Variants in SLC44A5 observed in about 807,000 individuals in gnomAD.
SLC44A5 encodes the protein solute carrier family 44 member 5.
A neutral mutation model predicts 101.8 loss-of-function variants in SLC44A5; 57 were observed. That is an observed-to-expected ratio of 0.56 (90% CI 0.45 to 0.70). SLC44A5 has a LOEUF of 0.70. SLC44A5 is among the 30% of genes least tolerant of loss of function. The probability of loss-of-function intolerance (pLI) is 0.00; values close to 1 mark genes in which losing one functional copy is unlikely to be tolerated. For missense variants in SLC44A5, 737 were observed against 853.1 expected, an observed-to-expected ratio of 0.86 and a Z score of 1.70; for synonymous variants, 281 against 290.9, an observed-to-expected ratio of 0.97 and a Z score of 0.35.
intron 2 of SLC44A5, among the ~76,000 whole-genome samples, chr1:75,524,646 G>C (rs1670319283): frequency 6.6e-6 from 1 of 152,090 alleles, no homozygotes; most frequent in Non-Finnish European, 1.5e-5. Context: ...TGGTTCCCTG[G>C]TTATAAGAGA....
chr1:75,695,766 T>C, the SLC44A5 span, among the ~76,000 whole-genome samples: 1 of 148,218 alleles, frequency 6.7e-6, no homozygotes, highest in Admixed American at 6.8e-5. Context: ...AATTTATATA[T>C]AAATAAAATA....
intron 2 of SLC44A5, among the ~76,000 whole-genome samples, chr1:75,486,552 T>G (rs994772055): frequency 3.3e-5 from 5 of 152,212 alleles, no homozygotes; most frequent in Non-Finnish European, 7.3e-5. Flanking sequence ...AAGTTTTGAT[T>G]GGTTTAGAGT....
At chr1:75,330,151 G>GCATATATATACGTA (rs2100996572) in intron 4 of SLC44A5, among the ~76,000 whole-genome samples, 1 of 117,792 alleles carries the variant, frequency 8.5e-6, no homozygotes, top group Admixed American at 8.4e-5. Flanking sequence ...ATGCATATAC[G>GCATATATATACGTA]TATATGCATA....
At chr1:75,442,437 T>G (rs1665261411) in intron 2 of SLC44A5, among the ~76,000 whole-genome samples, 1 of 152,152 alleles carries the variant, frequency 6.6e-6, no homozygotes, top group Admixed American at 6.6e-5. Flanking sequence ...GCCCTGATCT[T>G]AGGTTCTGCC....
At chr1:75,475,114 GA>G (rs778400394) in intron 2 of SLC44A5, among the ~76,000 whole-genome samples, 130 of 152,272 alleles carry the variant, frequency 8.5e-4, no homozygotes, top group Middle Eastern at 6.8e-3. Flanking sequence ...ATTTATGAAA[GA>G]ACCCCTCATA....
At chr1:75,543,866 A>G (rs1671499007) in intron 1 of SLC44A5, among the ~76,000 whole-genome samples, 1 of 151,872 alleles carries the variant, frequency 6.6e-6, no homozygotes, top group Non-Finnish European at 1.5e-5. Context: ...GTCTCATGGG[A>G]TCCACACTTC....
At position 75,542,425 on chromosome 1, in the gene SLC44A5, C is replaced by A. The variant is rs538456488; in HGVS notation, c.-69-909G>T. ...ATTTTAATGTCCAAGTAATGTCATA[C>A]TACATAAATGAATATTTTAATTAAT... is the stretch of plus-strand genomic sequence containing the variant. On this transcript the variant is annotated intron_variant, in intron 1 of 23. Transcript: ENST00000370859. Among the ~76,000 whole-genome samples, 39 of 152,112 alleles carry A rather than the reference C, an allele frequency of 2.6e-4. No individual in the cohort carries two copies. The South Asian group carries it at 7.7e-3, about 30-fold the overall frequency.
intron 2 of SLC44A5, among the ~76,000 whole-genome samples, chr1:75,447,012 A>G (rs751953423): frequency 1.1e-4 from 17 of 152,178 alleles, no homozygotes; most frequent in Non-Finnish European, 8.8e-5. Flanking sequence ...TCCATTTGCC[A>G]TAAGAAAGCA....
chr1:75,259,046 G>A (rs949722666), intron 6 of SLC44A5, among the ~76,000 whole-genome samples: 22 of 152,106 alleles, frequency 1.4e-4, no homozygotes. Context: ...AAGACCAAAG[G>A]TAGATAAATC....
At chr1:75,635,551 C>G in the SLC44A5 span, among the ~76,000 whole-genome samples, 4 of 149,912 alleles carry the variant, frequency 2.7e-5, no homozygotes, top group African/African-American at 4.9e-5. Flanking sequence ...TAAACTATTG[C>G]AAGGACAAAT....
chr1:75,339,136 C>T (rs1276836993), intron 4 of SLC44A5, among the ~76,000 whole-genome samples: 1 of 152,106 alleles, frequency 6.6e-6, no homozygotes, highest in African/African-American at 2.4e-5. Flanking sequence ...TGAATGACTG[C>T]CTCTGAGAAA....
the SLC44A5 span, among the ~76,000 whole-genome samples, chr1:75,651,382 C>T: frequency 6.6e-6 from 1 of 152,284 alleles, no homozygotes; most frequent in East Asian, 1.9e-4. Context: ...AGACATTGTT[C>T]TAGGTCTACT....
chr1:75,376,939 GA>G (rs765977704), intron 3 of SLC44A5, among the ~76,000 whole-genome samples: 211 of 152,238 alleles, frequency 1.4e-3, no homozygotes, highest in Non-Finnish European at 2.1e-3. Flanking sequence ...AAAAAATTTA[GA>G]AGAATGTAAA....
the SLC44A5 span, among the ~76,000 whole-genome samples, chr1:75,675,976 A>T: frequency 6.6e-6 from 1 of 152,254 alleles, no homozygotes; most frequent in African/African-American, 2.4e-5. Context: ...CATTAGAGAA[A>T]TGCAATTCAA....
intron 4 of SLC44A5, among the ~76,000 whole-genome samples, chr1:75,312,579 T>G (rs144039412): frequency 9.8e-4 from 149 of 152,256 alleles, no homozygotes; most frequent in Non-Finnish European, 1.7e-3. Context: ...TGATGCCTTC[T>G]GTCATGTTTT....
At chr1:75,392,345 G>A (rs1661847441) in intron 3 of SLC44A5, among the ~76,000 whole-genome samples, 1 of 151,900 alleles carries the variant, frequency 6.6e-6, no homozygotes, top group South Asian at 2.1e-4. Flanking sequence ...CCATTAAAAG[G>A]TGGACAAGAT....
At chr1:75,295,539 T>C (rs924595557) in intron 5 of SLC44A5, among the ~76,000 whole-genome samples, 8 of 152,314 alleles carry the variant, frequency 5.3e-5, no homozygotes, top group Middle Eastern at 3.4e-3. Flanking sequence ...AGGAAGAGAC[T>C]GGGCTGGGGT....
At chr1:75,240,572 ATTGATTTTGG>A (rs1172234641) in intron 9 of SLC44A5, among the ~76,000 whole-genome samples, 2 of 152,094 alleles carry the variant, frequency 1.3e-5, no homozygotes, top group African/African-American at 4.8e-5. Context: ...AATTTATAAC[ATTGATTTTGG>A]CTATGGACAT....
At chr1:75,570,802 G>A (rs1282699997) in intron 1 of SLC44A5, among the ~76,000 whole-genome samples, 1 of 152,012 alleles carries the variant, frequency 6.6e-6, no homozygotes, top group Non-Finnish European at 1.5e-5. Context: ...AAAAAATGTG[G>A]GCTATCTTCT....
Sources: gnomAD v4.1 joint callset for allele counts (sites outside exome capture counted in the v4.1 genomes callset) on GRCh38, gnomAD v4.1.1 for gene constraint, MANE v1.5 for transcripts, NCBI Gene and HGNC (gene_info 2026-07-23, HGNC 2026-07-21) for gene names.